GSTCD: variants seen among roughly 807,000 people sequenced by gnomAD.
GSTCD encodes the protein glutathione S-transferase C-terminal domain-containing protein.
Under a neutral mutation model 68.3 loss-of-function variants are expected in GSTCD, and 44 were observed. The ratio of observed to expected loss-of-function variants is 0.64; its 90% CI spans 0.51 to 0.83. The LOEUF (loss-of-function observed/expected upper bound fraction) is 0.83, where lower values mean the gene tolerates loss of function less well. Among genes scored for constraint, GSTCD ranks in the 40% least tolerant of loss-of-function variants. The pLI is 0.00. For synonymous variants in GSTCD, 273 were observed against 255.2 expected (o/e 1.07, Z -0.67); for missense variants, 739 against 735.9 (o/e 1.00, Z -0.05).
chr4:105,829,187 T>TAAAAAA (rs761947774), intron 8 of GSTCD, among the ~76,000 whole-genome samples: 3 of 114,932 alleles, frequency 2.6e-5, no homozygotes, highest in African/African-American at 6.5e-5. Flanking sequence ...CAGCTATAAT[T>TAAAAAA]AAAAAAAAAA....
chr4:105,745,435 A>T (rs927346853), intron 5 of GSTCD, among the ~76,000 whole-genome samples: 7 of 152,230 alleles, frequency 4.6e-5, no homozygotes, highest in Admixed American at 2.0e-4. Context: ...TTCACTGAGA[A>T]CATCCAGGCA....
At chr4:105,748,933 A>T (rs958151728) in intron 5 of GSTCD, among the ~76,000 whole-genome samples, 1 of 151,992 alleles carries the variant, frequency 6.6e-6, no homozygotes, top group Non-Finnish European at 1.5e-5. Flanking sequence ...ATGTTTTTTT[A>T]AAATAGAATA....
chr4:105,718,846 A>T (rs1355840389), intron 2 of GSTCD, among the ~76,000 whole-genome samples: 2 of 152,072 alleles, frequency 1.3e-5, no homozygotes, highest in African/African-American at 4.8e-5. Context: ...GGAAGTAATG[A>T]TTTATTTAGT....
intron 5 of GSTCD, among the ~76,000 whole-genome samples, chr4:105,778,285 C>T (rs1735146325): frequency 1.3e-5 from 2 of 152,006 alleles, no homozygotes; most frequent in Non-Finnish European, 2.9e-5. Flanking sequence ...CATATATAGA[C>T]TACATGTTAA....
At chr4:105,735,551 C>G (rs1049041593) in intron 5 of GSTCD, among the ~76,000 whole-genome samples, 2 of 152,130 alleles carry the variant, frequency 1.3e-5, no homozygotes, top group African/African-American at 4.8e-5. Flanking sequence ...GGGAGTGACC[C>G]AATTTTCCGG....
rs1560792269 is a variant in GSTCD at position 105,719,074 on chromosome 4, C to G, written c.441C>G (p.Thr147=). 5 of 1,610,088 alleles carry G rather than the reference C, an allele frequency of 3.1e-6. No homozygotes were observed. Among genetic ancestry groups the G allele is most frequent in the Admixed American group, 1.7e-5 (1 of 59,112 alleles). The change falls in exon 3 of 12, where the codon ACC becomes ACG. Residue 147 remains threonine, a synonymous_variant. Coordinates refer to ENST00000515279, the MANE Select transcript of GSTCD (RefSeq NM_001370181.1). ...TTGTTTTGTAGGTTAGTCAGTGGAC[C>G]AGGCTATGTGAACTCACCATCCCTT... ...LKACAEVSQW[T]RLCELTIPLA...
At chr4:105,799,109 T>G (rs1736009521) in intron 5 of GSTCD, among the ~76,000 whole-genome samples, 1 of 152,226 alleles carries the variant, frequency 6.6e-6, no homozygotes, top group African/African-American at 2.4e-5. Flanking sequence ...AACCAATCTC[T>G]GCTAGGCTCC....
chr4:105,752,766 G>A (rs1037395018), intron 5 of GSTCD, among the ~76,000 whole-genome samples: 2 of 151,894 alleles, frequency 1.3e-5, no homozygotes, highest in African/African-American at 2.4e-5. Context: ...TCCATTCAAA[G>A]GTATACTTAA....
chr4:105,763,550 G>A (rs1006326565), intron 5 of GSTCD, among the ~76,000 whole-genome samples: 1 of 152,198 alleles, frequency 6.6e-6, no homozygotes, highest in African/African-American at 2.4e-5. Context: ...GATCCAGACT[G>A]TCTTAACCAC....
chr4:105,834,216 T>C (rs1001399143), intron 8 of GSTCD, among the ~76,000 whole-genome samples: 14 of 152,200 alleles, frequency 9.2e-5, no homozygotes, highest in South Asian at 2.1e-4. Context: ...TGCTATAGTT[T>C]AGATAAACAC....
At chr4:105,779,680 T>C (rs1171725162) in intron 5 of GSTCD, among the ~76,000 whole-genome samples, 1 of 152,190 alleles carries the variant, frequency 6.6e-6, no homozygotes, top group Non-Finnish European at 1.5e-5. Flanking sequence ...ATGGGTTTGA[T>C]ATGAAATAGA....
chr4:105,777,465 T>C (rs2149247385), intron 5 of GSTCD, among the ~76,000 whole-genome samples: 1 of 152,364 alleles, frequency 6.6e-6, no homozygotes, highest in South Asian at 2.1e-4. Context: ...TATTTATCTT[T>C]CAATATGCAG....
At chr4:105,839,520 A>G (rs1447949122) in intron 10 of GSTCD, among the ~76,000 whole-genome samples, 2 of 152,122 alleles carry the variant, frequency 1.3e-5, no homozygotes, top group African/African-American at 4.8e-5. Context: ...CTGTAATCTC[A>G]ATTACTCAGG....
intron 5 of GSTCD, among the ~76,000 whole-genome samples, chr4:105,755,056 C>CAAAAAAAAAAAAAAA (rs70941214): frequency 2.0e-5 from 1 of 50,986 alleles, no homozygotes; most frequent in African/African-American, 7.9e-5. Flanking sequence ...CTCATTTCTC[C>CAAAAAAAAAAAAAAA]AAAAAAAAAA....
Position 105,729,440 on chromosome 4 carries a change from C to G in GSTCD, c.1181C>G (p.Pro394Arg). 1 of 1,611,784 alleles carries G rather than the reference C, an allele frequency of 6.2e-7. No individual in the cohort carries two copies. ...KGIEVMFSPH[P>R]CPTWTLDWNV... ...ATTGAAGTGATGTTTTCTCCCCACC[C>G]TTGCCCTACTTGGACTCTTGATTGG... The change falls in exon 5 of 12, where the codon CCT (proline) becomes CGT (arginine). Residue 394 changes from proline to arginine, a missense_variant. Pro to Arg is a moderately radical substitution (Grantham distance 103). Transcript: ENST00000515279.
chr4:105,717,310 C>A (rs1732709011), intron 1 of GSTCD, among the ~76,000 whole-genome samples: 1 of 152,122 alleles, frequency 6.6e-6, no homozygotes, highest in African/African-American at 2.4e-5. Flanking sequence ...TATAGTGAGA[C>A]CCCAAAATAC....
chr4:105,830,708 GT>G (rs1030591233), intron 8 of GSTCD, among the ~76,000 whole-genome samples: 12 of 152,052 alleles, frequency 7.9e-5, no homozygotes, highest in African/African-American at 2.9e-4. Flanking sequence ...TTATTTGAAA[GT>G]TTTCAAACAG....
At chr4:105,816,911 A>G (rs1219903587) in intron 5 of GSTCD, among the ~76,000 whole-genome samples, 1 of 151,950 alleles carries the variant, frequency 6.6e-6, no homozygotes, top group African/African-American at 2.4e-5. Flanking sequence ...AAAATAAGAA[A>G]AATGTCATCT....
rs1044607988 is a variant in GSTCD, at chr4:105,719,513, A to G, written c.880A>G (p.Ile294Val). 1.2e-6 allele frequency: 2 copies of G among 1,613,026 alleles called. No individual in the cohort carries two copies. The highest frequency in any genetic ancestry group is 2.7e-5 in the African/African-American group (2 of 74,884). ...TLADIVLLPCIHHFLVIISRK... is the reference protein window; with the variant it reads ...TLADIVLLPCVHHFLVIISRK... ...GGCAGATATTGTGCTCTTGCCCTGTATCCATCATTTCTTGGTAAGGTTTCA... is the reference window on the plus strand; with the variant it reads ...GGCAGATATTGTGCTCTTGCCCTGTGTCCATCATTTCTTGGTAAGGTTTCA... The change falls in exon 3 of 12, where the codon ATC becomes GTC. Residue 294 changes from isoleucine to valine, a missense_variant. Transcript: ENST00000515279.
Sources: allele counts gnomAD v4.1 joint callset (sites outside exome capture counted in the v4.1 genomes callset), GRCh38; gene constraint gnomAD v4.1.1; transcripts MANE v1.5; gene names NCBI Gene and HGNC (gene_info 2026-07-23, HGNC 2026-07-21).